ROBO3: variants seen among roughly 807,000 people sequenced by gnomAD.
The protein encoded by ROBO3 is roundabout guidance receptor 3.
A neutral mutation model predicts 160.5 loss-of-function variants in ROBO3; 97 were observed. That is an observed-to-expected ratio of 0.60 (90% CI 0.51 to 0.72). The LOEUF (loss-of-function observed/expected upper bound fraction) is 0.72. Ranked by LOEUF, ROBO3 falls within the 30% of genes least tolerant of loss-of-function variation. The pLI is 0.00. For missense variants in ROBO3, 1,858 were observed against 1,846.5 expected (o/e 1.01, Z -0.11); for synonymous variants, 780 against 746.2 (o/e 1.05, Z -0.74).
chr11:124,871,527 A>G (rs1485078035), intron 7 of ROBO3, among the ~76,000 whole-genome samples: 1 of 152,220 alleles, frequency 6.6e-6, no homozygotes, highest in Non-Finnish European at 1.5e-5. Context: ...AAAGCTGCTC[A>G]GGGTAGAAAA....
Position 124,869,023 on chromosome 11 carries a change from A to G in ROBO3, c.382A>G (p.Ile128Val). The change falls in exon 2 of 28, where the codon ATC becomes GTC. Residue 128 changes from isoleucine to valine, a missense_variant. Physicochemically the swap from Ile to Val is conservative, Grantham distance 29. Coordinates refer to ENST00000397801, the MANE Select transcript of ROBO3 (RefSeq NM_022370.4). The surrounding 1 kb of genome is among the most constrained non-coding windows in gnomAD (Gnocchi z 4.2). ...LPSGALFFPR[I>V]VHGRRARPDE... ...CAGCGGCGCCCTCTTCTTCCCGCGC[A>G]TCGTGCACGGGCGCCGCGCGCGGCC... 1 of 1,602,508 alleles carries G rather than the reference A, an allele frequency of 6.2e-7. No individual in the cohort carries two copies. The highest frequency in any genetic ancestry group is 8.5e-7 in the Non-Finnish European group (1 of 1,175,338).
Position 124,869,955 on chromosome 11 carries a change from G to A in ROBO3, c.653G>A (p.Gly218Glu), listed in dbSNP as rs756006066. 2.5e-6 allele frequency: 4 copies of A among 1,605,916 alleles called. No individual in the cohort carries two copies. The Admixed American group carries it at 5.1e-5, about 21-fold the overall frequency. ...ACCATTATTGCTCTGCAGATCCGTG[G>A]AGGGAAGCTGATGATGTCACATACA... ...KEEEGRITIR[G>E]GKLMMSHTLK... The change falls in exon 4 of 28, where the codon GGA becomes GAA. Residue 218 changes from glycine (G) to glutamate (E), a missense_variant. Coordinates refer to ENST00000397801, the MANE Select transcript of ROBO3 (RefSeq NM_022370.4). The surrounding 1 kb of genome is among the most constrained non-coding windows in gnomAD (Gnocchi z 4.2).
In ROBO3 at chr11:124,879,446, C is replaced by T. The variant is rs1946500857; in HGVS notation, c.3686-19C>T. 2 of 1,612,300 alleles carry T rather than the reference C, an allele frequency of 1.2e-6. No individual in the cohort carries two copies. Among genetic ancestry groups the T allele is most frequent in the South Asian group, 1.1e-5 (1 of 90,860 alleles). On this transcript the variant is annotated intron_variant, in intron 24 of 27. Coordinates refer to ENST00000397801, the MANE Select transcript of ROBO3 (RefSeq NM_022370.4). ...TTTTTGCCCTTACCCATTCCTCTTC[C>T]CGTCTCCTAACACTGCAGGCAGAAC...
chr11:124,877,263 C>G lies in ROBO3; in HGVS notation c.2804-4C>G, dbSNP rs547406080. ...TCACTCATTCGCCCCCTCATTTTCC[C>G]CAGTGTCCTTCCCGCACTCAGAGGG... On this transcript the variant is annotated splice_polypyrimidine_tract_variant and splice_region_variant and intron_variant, in intron 18 of 27. Coordinates refer to ENST00000397801, the MANE Select transcript of ROBO3 (RefSeq NM_022370.4). The G allele has an allele frequency of 6.2e-7, 1 of 1,613,974 alleles. No individual in the cohort carries two copies. Among genetic ancestry groups the G allele is most frequent in the South Asian group, 1.1e-5 (1 of 91,080 alleles).
rs771199444 is a variant in ROBO3 at position 124,878,391 on chromosome 11, G to A, written c.3275G>A (p.Cys1092Tyr). ...GCCCTGCCCCCACCTCCTCCTTCTT[G>A]TGAACTGAGCTGCCTAGAAGGGCCG... ...PEALPPPPPS[C>Y]ELSCLEGPEE... is the part of the protein sequence containing the mutation. The change falls in exon 22 of 28, where the codon TGT becomes TAT. Residue 1092 changes from cysteine (C) to tyrosine (Y), a missense_variant. By Grantham distance (194) the Cys-to-Tyr change is radical. Coordinates refer to ENST00000397801, the MANE Select transcript of ROBO3 (RefSeq NM_022370.4). The surrounding 1 kb of genome is among the most constrained non-coding windows in gnomAD (Gnocchi z 4.3). 5 of 1,613,850 alleles carry A rather than the reference G, an allele frequency of 3.1e-6. No individual in the cohort carries two copies. The highest frequency in any genetic ancestry group is 1.1e-5 in the South Asian group (1 of 91,092).
In ROBO3 at chr11:124,869,689, A is replaced by T. The variant is rs1946253855; in HGVS notation, c.645+82A>T. The T allele has an allele frequency of 7.0e-7, 1 of 1,430,096 alleles. No individual in the cohort carries two copies. Among genetic ancestry groups the T allele is most frequent in the Non-Finnish European group, 9.4e-7 (1 of 1,063,036 alleles). 88.6% of individuals were successfully genotyped at this position (1,430,096 alleles called of 1,614,324 possible). ...GGTGACAAGGCTGGAGATTGAGATC[A>T]GGGCATTAGCTAACCAGAGACTAAG... On this transcript the variant is annotated intron_variant, in intron 3 of 27. Coordinates refer to ENST00000397801, the MANE Select transcript of ROBO3 (RefSeq NM_022370.4). This position sits in a 1 kb window ranked among gnomAD's most constrained non-coding sequence, Gnocchi z 4.2.
Position 124,873,719 on chromosome 11 carries a change from C to T in ROBO3, c.1641C>T (p.Asp547=), listed in dbSNP as rs1273670987. The T allele has an allele frequency of 1.9e-6, 3 of 1,612,970 alleles. No homozygotes were observed. Among genetic ancestry groups the T allele is most frequent in the East Asian group, 4.5e-5 (2 of 44,856 alleles). The part of the protein sequence containing the change: ...KMREDWGVSP[D]PPTEPSSPPG... ...CAGAAGACTGGGGAGTATCACCAGACCCCCCTACAGAACCCAGTTCCCCTC... is the reference window on the plus strand; with the variant it reads ...CAGAAGACTGGGGAGTATCACCAGATCCCCCTACAGAACCCAGTTCCCCTC... Residue 547 remains aspartate (D), a synonymous_variant, in exon 11 of 28, where the codon GAC becomes GAT. Transcript: ENST00000397801. This position sits in a 1 kb window ranked among gnomAD's most constrained non-coding sequence, Gnocchi z 4.5.
Position 124,873,722 on chromosome 11 carries a change from C to G in ROBO3, c.1644C>G (p.Pro548=), listed in dbSNP as rs755650502. The change falls in exon 11 of 28, where the codon CCC becomes CCG. Residue 548 remains proline, a synonymous_variant. Coordinates refer to ENST00000397801, the MANE Select transcript of ROBO3 (RefSeq NM_022370.4). The surrounding 1 kb of genome is among the most constrained non-coding windows in gnomAD (Gnocchi z 4.5). ...AAGACTGGGGAGTATCACCAGACCC[C>G]CCTACAGAACCCAGTTCCCCTCCGG... The part of the protein sequence containing the change: ...MREDWGVSPD[P]PTEPSSPPGA... The G allele has an allele frequency of 6.2e-7, 1 of 1,613,612 alleles. No individual in the cohort carries two copies. Among genetic ancestry groups the G allele is most frequent in the South Asian group, 1.1e-5 (1 of 91,040 alleles).
At chr11:124,868,484 A>G (rs1347055023) in intron 1 of ROBO3, 4 of 595,166 alleles carry the variant, frequency 6.7e-6, no homozygotes, top group East Asian at 5.6e-5. Context: ...AGCGTGGTTC[A>G]GCCACTCCCG....
At chr11:124,874,264 G>A (rs568688142) in intron 12 of ROBO3, 28 bp downstream of exon 12, 1 of 1,592,556 alleles carries the variant, frequency 6.3e-7, no homozygotes, top group African/African-American at 1.3e-5. Flanking sequence ...GGGCTCATGA[G>A]CATGAAATGT....
At chr11:124,868,774 A>G (rs2135324235) in intron 1 of ROBO3, 28 bp from the exon 2 acceptor site, 1 of 1,583,084 alleles carries the variant, frequency 6.3e-7, no homozygotes, top group East Asian at 2.3e-5. Context: ...TCCCTGTCTG[A>G]ACGCTCTGCG....
At chr11:124,867,609 G>T (rs896393773) in intron 1 of ROBO3, among the ~76,000 whole-genome samples, 1 of 152,140 alleles carries the variant, frequency 6.6e-6, no homozygotes, top group Non-Finnish European at 1.5e-5. Flanking sequence ...GACAGAAATC[G>T]ATCTTCTTGA....
intron 6 of ROBO3, 41 bp from the exon 7 acceptor site, chr11:124,870,973 C>T (rs763562726): frequency 6.3e-7 from 1 of 1,591,542 alleles, no homozygotes; most frequent in South Asian, 1.1e-5. Flanking sequence ...TTTCTTAGTG[C>T]CTCTGACTAC....
rs767877635 is a variant in ROBO3 at position 124,876,407 on chromosome 11, G to C, written c.2726G>C (p.Cys909Ser). The change falls in exon 17 of 28, where the codon TGC becomes TCC. Residue 909 changes from cysteine to serine, a missense_variant. Physicochemically the swap from Cys to Ser is moderately radical, Grantham distance 112. Coordinates refer to ENST00000397801, the MANE Select transcript of ROBO3 (RefSeq NM_022370.4). The surrounding 1 kb of genome is among the most constrained non-coding windows in gnomAD (Gnocchi z 5.3). ...AACGALLLGL[C>S]AALYWRRKQR... is the part of the protein sequence containing the mutation. The stretch of plus-strand genomic sequence containing the variant: ...TGCGGGGCGCTGCTTCTCGGGCTCT[G>C]CGCCGCCCTCTACTGGCGCCGGAAA... The C allele has an allele frequency of 6.9e-7, 1 of 1,453,244 alleles. No individual in the cohort carries two copies. Among genetic ancestry groups the C allele is most frequent in the Non-Finnish European group, 9.0e-7 (1 of 1,109,336 alleles). 90.0% of individuals were successfully genotyped at this position (1,453,244 alleles called of 1,614,324 possible).
rs770513870 is a variant in ROBO3, at chr11:124,878,676, G to A, written c.3413G>A (p.Arg1138Gln). 41 of 1,613,324 alleles carry A rather than the reference G, an allele frequency of 2.5e-5. No homozygotes were observed. The African/African-American group carries it at 3.1e-4, about 12-fold the overall frequency. ...GGAGGGTGCCTGGTCACCCCATCCC[G>A]AAGGGAAACCCCCTCTCCCACACCT... ...SSGGCLVTPS[R>Q]RETPSPTPSY... Residue 1138 changes from arginine (R) to glutamine (Q), a missense_variant, in exon 23 of 28, where the codon CGA (arginine) becomes CAA (glutamine). By Grantham distance (43) the Arg-to-Gln change is conservative (BLOSUM62 1). Coordinates refer to ENST00000397801, the MANE Select transcript of ROBO3 (RefSeq NM_022370.4). This position sits in a 1 kb window ranked among gnomAD's most constrained non-coding sequence, Gnocchi z 4.3.
At position 124,878,490 on chromosome 11, in the gene ROBO3, G is replaced by T; in HGVS notation, c.3320+54G>T. 6.2e-7 allele frequency: 1 copy of T among 1,604,016 alleles called. No homozygotes were observed. On this transcript the variant is annotated intron_variant, in intron 22 of 27. Coordinates refer to ENST00000397801, the MANE Select transcript of ROBO3 (RefSeq NM_022370.4). This position sits in a 1 kb window ranked among gnomAD's most constrained non-coding sequence, Gnocchi z 4.3. Reference sequence around the variant, plus strand: ...CACACCTGCGGCCAGACCATGGGCTGCTGGGGAGGAAGGGGAGGGGGCAGC... The same window carrying T: ...CACACCTGCGGCCAGACCATGGGCTTCTGGGGAGGAAGGGGAGGGGGCAGC...
At position 124,872,918 on chromosome 11, in the gene ROBO3, G is replaced by T; in HGVS notation, c.1365G>T (p.Gln455His). ...ATGGGCTGCCTCCTGTCATCCTCCA[G>T]GGACCAGCCAATCAGACGCTGGTGC... The part of the protein sequence containing the change: ...SLDGLPPVIL[Q>H]GPANQTLVLG... The change falls in exon 9 of 28, where the codon CAG (glutamine) becomes CAT (histidine). Residue 455 changes from glutamine to histidine, a missense_variant. Coordinates refer to ENST00000397801, the MANE Select transcript of ROBO3 (RefSeq NM_022370.4). The surrounding 1 kb of genome is among the most constrained non-coding windows in gnomAD (Gnocchi z 4.3). The T allele has an allele frequency of 6.2e-7, 1 of 1,611,164 alleles. No individual in the cohort carries two copies. Among genetic ancestry groups the T allele is most frequent in the South Asian group, 1.1e-5 (1 of 90,854 alleles).
At chr11:124,871,271 A>T in intron 7 of ROBO3, 133 bp downstream of exon 7, 1 of 1,055,158 alleles carries the variant, frequency 9.5e-7, no homozygotes, top group Non-Finnish European at 1.3e-6. Flanking sequence ...CTTGCAGGTT[A>T]TTTGAGAGGA....
intron 1 of ROBO3, among the ~76,000 whole-genome samples, chr11:124,868,095 T>C (rs1289384594): frequency 6.6e-6 from 1 of 152,210 alleles, no homozygotes. Flanking sequence ...TATTGGAAAC[T>C]ATGCACCTGT....
Sources: allele counts gnomAD v4.1 joint callset (sites outside exome capture counted in the v4.1 genomes callset), GRCh38; gene constraint gnomAD v4.1.1; non-coding constraint Gnocchi (gnomAD v3.1); transcripts MANE v1.5; gene names NCBI Gene and HGNC (gene_info 2026-07-23, HGNC 2026-07-21).